THRB: variants seen among roughly 807,000 people sequenced by gnomAD.
THRB encodes the protein nuclear receptor subfamily 1 group A member 2.
Under a neutral mutation model 47.8 loss-of-function variants are expected in THRB, and 12 were observed. That is an observed-to-expected ratio of 0.25 (90% CI 0.16 to 0.41). The LOEUF is 0.41. THRB is among the 10% of genes least tolerant of loss of function. The probability of loss-of-function intolerance (pLI) is 1.00; values close to 1 mark genes in which losing one functional copy is unlikely to be tolerated. For missense variants in THRB, 348 were observed against 589.2 expected, an observed-to-expected ratio of 0.59 and a Z score of 4.24; for synonymous variants, 218 against 212.2, an observed-to-expected ratio of 1.03 and a Z score of -0.24.
intron 1 of THRB, among the ~76,000 whole-genome samples, chr3:24,352,047 G>GCTCATGGT (rs2063389969): frequency 6.6e-6 from 1 of 152,128 alleles, no homozygotes; most frequent in Non-Finnish European, 1.5e-5. Context: ...TGATAAAGAA[G>GCTCATGGT]CTCATGGTCT....
chr3:24,142,438 C>T (rs1331167158), intron 8 of THRB, among the ~76,000 whole-genome samples: 4 of 152,150 alleles, frequency 2.6e-5, no homozygotes, highest in Non-Finnish European at 5.9e-5. Flanking sequence ...TCCAAAACTT[C>T]CTTTAAGGTT....
Position 24,254,487 on chromosome 3 carries a change from G to C in THRB, c.-42-25486C>G, listed in dbSNP as rs1366064546. Among the ~76,000 whole-genome samples the C allele has an allele frequency of 2.0e-5, 3 of 151,940 alleles. No homozygotes were observed. The East Asian group carries it at 5.8e-4, about 29-fold the overall frequency. ...ATTGGCCTTAAAGGTAGTCCCAAAA[G>C]AGTGGCTGCAAATATTTAGAGTAAG... On this transcript the variant is annotated intron_variant, in intron 3 of 10. Coordinates refer to ENST00000646209, the MANE Select transcript of THRB (RefSeq NM_001354712.2).
intron 3 of THRB, among the ~76,000 whole-genome samples, chr3:24,236,833 CGAGCCCTT>C (rs1214956759): frequency 6.6e-6 from 1 of 152,120 alleles, no homozygotes; most frequent in East Asian, 1.9e-4. Context: ...TATCCTTCCC[CGAGCCCTT>C]TGCATTTTAA....
intron 3 of THRB, among the ~76,000 whole-genome samples, chr3:24,280,102 G>A (rs913368371): frequency 4.6e-5 from 7 of 152,160 alleles, no homozygotes; most frequent in African/African-American, 1.4e-4. Flanking sequence ...AGAACCGGGG[G>A]AGGAGCCAAG....
intron 4 of THRB, among the ~76,000 whole-genome samples, chr3:24,203,954 G>C (rs2044945519): frequency 6.6e-6 from 1 of 152,236 alleles, no homozygotes; most frequent in Non-Finnish European, 1.5e-5. Flanking sequence ...CAGCAAGGCT[G>C]GGGGAGGGGC....
intron 8 of THRB, among the ~76,000 whole-genome samples, chr3:24,138,843 G>T (rs151265942): frequency 5.1e-4 from 77 of 152,286 alleles, no homozygotes; most frequent in African/African-American, 1.6e-3. Flanking sequence ...AGTAGGAAAG[G>T]TCTCCTCTGA....
chr3:24,297,101 G>A (rs1363802268), intron 3 of THRB, 125 bp downstream of exon 3: 1 of 152,220 alleles, frequency 6.6e-6, no homozygotes, highest in African/African-American at 2.4e-5. Flanking sequence ...TAGTATCCAT[G>A]GGTTAGAAAG....
chr3:24,195,451 C>A (rs148337172), intron 4 of THRB, among the ~76,000 whole-genome samples: 1 of 152,296 alleles, frequency 6.6e-6, no homozygotes, highest in East Asian at 1.9e-4. Context: ...ATTGTACTTA[C>A]TACCTCATTT....
intron 3 of THRB, among the ~76,000 whole-genome samples, chr3:24,238,753 T>C (rs1219955474): frequency 6.6e-6 from 1 of 152,160 alleles, no homozygotes; most frequent in African/African-American, 2.4e-5. Context: ...ATAATCTTCC[T>C]AAATGGAGTG....
intron 4 of THRB, among the ~76,000 whole-genome samples, chr3:24,211,620 G>A (rs1464192459): frequency 6.6e-6 from 1 of 152,162 alleles, no homozygotes; most frequent in Non-Finnish European, 1.5e-5. Context: ...TGAGCAGTGG[G>A]GATGCACTGC....
intron 4 of THRB, among the ~76,000 whole-genome samples, chr3:24,205,194 AT>A (rs938808701): frequency 1.8e-4 from 28 of 152,202 alleles, no homozygotes; most frequent in Admixed American, 1.7e-3. Context: ...TCCAAGACAC[AT>A]AATTGTCAGA....
At chr3:24,308,294 A>G (rs550403174) in intron 2 of THRB, among the ~76,000 whole-genome samples, 1 of 152,344 alleles carries the variant, frequency 6.6e-6, no homozygotes, top group Admixed American at 6.5e-5. Context: ...AGAAACAGGC[A>G]TAACTACTAC....
chr3:24,370,787 G>A (rs2064848179), intron 1 of THRB, among the ~76,000 whole-genome samples: 1 of 152,078 alleles, frequency 6.6e-6, no homozygotes, highest in South Asian at 2.1e-4. Flanking sequence ...CCCAAGCTAG[G>A]AGACTGTTTG....
intron 3 of THRB, among the ~76,000 whole-genome samples, chr3:24,246,094 T>C (rs2050088948): frequency 6.6e-6 from 1 of 152,152 alleles, no homozygotes; most frequent in African/African-American, 2.4e-5. Flanking sequence ...AGATAGCATG[T>C]CCCTTACGGA....
At chr3:24,346,661 T>C (rs2149499648) in intron 1 of THRB, among the ~76,000 whole-genome samples, 1 of 152,072 alleles carries the variant, frequency 6.6e-6, no homozygotes, top group African/African-American at 2.4e-5. Flanking sequence ...GTAAACTTAA[T>C]GACAAGGGAT....
chr3:24,367,733 C>G (rs73825632), intron 1 of THRB, among the ~76,000 whole-genome samples: 3,310 of 152,280 alleles, frequency 0.022, 148 homozygotes, highest in African/African-American at 0.076. Context: ...TAAGGCACTT[C>G]TCACAGCAAT....
chr3:24,371,810 T>C (rs2064939024), intron 1 of THRB, among the ~76,000 whole-genome samples: 1 of 152,168 alleles, frequency 6.6e-6, no homozygotes, highest in South Asian at 2.1e-4. Flanking sequence ...TAGTCTATAG[T>C]TCCATTTTAA....
Position 24,254,199 on chromosome 3 carries a change from TAAAAAAAAAAAAAAAAAAAAAAAA to T in THRB, c.-42-25222_-42-25199del, listed in dbSNP as rs57275069. Among the ~76,000 whole-genome samples, 254 of 34,612 alleles carry T rather than the reference TAAAAAAAAAAAAAAAAAAAAAAAA, an allele frequency of 7.3e-3. 9 individuals are homozygous for T. In the East Asian group the frequency reaches 0.11, roughly 15 times the overall value. 22.7% of individuals were successfully genotyped at this position (34,612 alleles called of 152,430 possible). ...TAACACAGTGAAACCCTGTCTCTAC[TAAAAAAAAAAAAAAAAAAAAAAAA>T]AAAAAAAAAAAAAAAAAAAAAATTA... On this transcript the variant is annotated intron_variant, in intron 3 of 10. Transcript: ENST00000646209.
chr3:24,221,147 T>C lies in THRB; in HGVS notation c.22+7791A>G, dbSNP rs557575367. 6.5e-4 allele frequency among the ~76,000 whole-genome samples: 99 copies of C among 152,334 alleles called. 1 individual carries two copies. The highest frequency in any genetic ancestry group is 1.0e-3 in the Admixed American group (16 of 15,304). On this transcript the variant is annotated intron_variant, in intron 4 of 10. Coordinates refer to ENST00000646209, the MANE Select transcript of THRB (RefSeq NM_001354712.2). ...AGCAAAGATGGATAAAACAAGCGCCTGGGACTTTTCAGATGGCAATGGTGG... is the reference window on the plus strand; with the variant it reads ...AGCAAAGATGGATAAAACAAGCGCCCGGGACTTTTCAGATGGCAATGGTGG...
Sources: allele counts gnomAD v4.1 joint callset (sites outside exome capture counted in the v4.1 genomes callset), GRCh38; gene constraint gnomAD v4.1.1; transcripts MANE v1.5; gene names NCBI Gene and HGNC (gene_info 2026-07-23, HGNC 2026-07-21).